Variants in NCOR2 observed in about 807,000 individuals in gnomAD.
The protein encoded by NCOR2 is CTG repeat protein 26.
In NCOR2, 81 loss-of-function variants were observed where a neutral mutation model predicts 262.9. That is an observed-to-expected ratio of 0.31 (90% confidence interval 0.26 to 0.37). NCOR2 has a LOEUF of 0.37. Ranked by LOEUF, NCOR2 falls within the 10% of genes least tolerant of loss-of-function variation. The pLI is 1.00. For missense variants in NCOR2, 3,385 were observed against 3,621.4 expected, an observed-to-expected ratio of 0.93 and a Z score of 1.68; for synonymous variants, 1,659 against 1,559.3, an observed-to-expected ratio of 1.06 and a Z score of -1.51.
intron 18 of NCOR2, among the ~76,000 whole-genome samples, chr12:124,377,755 C>T (rs989550993): frequency 1.3e-5 from 2 of 150,942 alleles, no homozygotes; most frequent in East Asian, 2.0e-4. Flanking sequence ...AGGAGAATTG[C>T]TTGAACCCGA....
chr12:124,388,945 G>C lies in NCOR2; in HGVS notation c.1877-3058C>G. 2 of 720,866 alleles carry C rather than the reference G, an allele frequency of 2.8e-6. 1 individual carries two copies. Among genetic ancestry groups the C allele is most frequent in the South Asian group, 3.8e-5 (2 of 52,828 alleles). The allele number at this position is 720,866 out of a possible 1,614,324, so 44.7% of individuals were successfully genotyped here. A position where few individuals can be genotyped will look rare whatever the true frequency, so the allele number is the denominator to read the frequency against. ...GCGGAGGCTGGCTCGAGAGGGGCGGGCGGGAGGCAGCTCCTCACAAGTCCG... is the reference window on the plus strand; with the variant it reads ...GCGGAGGCTGGCTCGAGAGGGGCGGCCGGGAGGCAGCTCCTCACAAGTCCG... On this transcript the variant is annotated intron_variant, in intron 16 of 46. Coordinates refer to ENST00000405201, the Ensembl canonical transcript of NCOR2.
intron 36 of NCOR2, 30 bp from the exon 39 acceptor site, chr12:124,340,234 G>T (rs751583027): frequency 6.2e-7 from 1 of 1,605,748 alleles, no homozygotes; most frequent in South Asian, 1.1e-5. Flanking sequence ...TCAGCAGGGG[G>T]AGGCCTCTTG....
chr12:124,564,549 C>G (rs1029664156), intron 1 of NCOR2, among the ~76,000 whole-genome samples: 1 of 141,478 alleles, frequency 7.1e-6, no homozygotes, highest in Non-Finnish European at 1.5e-5. Flanking sequence ...CCCCGGCCCA[C>G]GGTCAGAGGC....
At chr12:124,560,279 G>A (rs1001451762) in intron 1 of NCOR2, among the ~76,000 whole-genome samples, 3 of 152,258 alleles carry the variant, frequency 2.0e-5, no homozygotes, top group African/African-American at 7.2e-5. Context: ...ACTCAACTTT[G>A]CAAACGCTGT....
intron 13 of NCOR2, among the ~76,000 whole-genome samples, chr12:124,411,973 C>T (rs868659321): frequency 2.6e-5 from 4 of 152,226 alleles, no homozygotes; most frequent in Non-Finnish European, 2.9e-5. Context: ...CCTGCATCCC[C>T]GTGTCAGAAC....
intron 44 of NCOR2, 47 bp downstream of exon 46, chr12:124,330,798 A>T: frequency 6.5e-7 from 1 of 1,544,662 alleles, no homozygotes. Flanking sequence ...GTGGGGAGGG[A>T]GCGGAGGGGA....
At chr12:124,367,695 C>T (rs534269769) in intron 20 of NCOR2, among the ~76,000 whole-genome samples, 1 of 152,262 alleles carries the variant, frequency 6.6e-6, no homozygotes, top group African/African-American at 2.4e-5. Flanking sequence ...TGCAGTGGCA[C>T]AATCTTGGCT....
At position 124,566,185 on chromosome 12, in the gene NCOR2, A is replaced by G. The variant is rs1274553335; in HGVS notation, c.-165+1123T>C. On this transcript the variant is annotated intron_variant, in intron 1 of 32. Transcript: ENST00000458234. This position sits in a 1 kb window ranked among gnomAD's most constrained non-coding sequence, Gnocchi z 4.3. ...CTGCAAAAAGGGAAAAATAATAATA[A>G]TCACAATAAAACCAGTTCTCACCAA... is the stretch of plus-strand genomic sequence containing the variant. Among the ~76,000 whole-genome samples, 1 of 151,962 alleles carries G rather than the reference A, an allele frequency of 6.6e-6. No individual in the cohort carries two copies. The highest frequency in any genetic ancestry group is 1.5e-5 in the Non-Finnish European group (1 of 67,988).
At chr12:124,334,805 A>G (rs575921137) in intron 40 of NCOR2, 188 bp from the exon 43 acceptor site, 3 of 594,582 alleles carry the variant, frequency 5.0e-6, no homozygotes, top group Non-Finnish European at 8.9e-6. Context: ...GGCTGTGGTC[A>G]GCGGTCCCAA....
At chr12:124,426,674 G>A (rs749558953) in exon 11 of NCOR2, 7 of 1,608,932 alleles carry the variant, frequency 4.4e-6, no homozygotes, top group African/African-American at 1.3e-5. Flanking sequence ...ATGACCTGGC[G>A]GTCTTTGTAC....
At chr12:124,358,961 T>C (rs2135943526) in intron 22 of NCOR2, among the ~76,000 whole-genome samples, 1 of 152,376 alleles carries the variant, frequency 6.6e-6, no homozygotes, top group East Asian at 1.9e-4. Context: ...AAGTGGCAGA[T>C]AGCGGCTTCG....
intron 11 of NCOR2, among the ~76,000 whole-genome samples, chr12:124,425,896 T>A (rs760937104): frequency 1.1e-4 from 16 of 152,110 alleles, no homozygotes; most frequent in Non-Finnish European, 2.1e-4. Context: ...CTGGCTGAGC[T>A]GTCATAAGGG....
At chr12:124,485,490 G>A (rs1046145893) in intron 2 of NCOR2, among the ~76,000 whole-genome samples, 1 of 152,276 alleles carries the variant, frequency 6.6e-6, no homozygotes, top group South Asian at 2.1e-4. Context: ...GAGGGGGCGC[G>A]GCCCTGCGGA....
chr12:124,499,667 T>C (rs1022057510), upstream of NCOR2, among the ~76,000 whole-genome samples: 7 of 152,084 alleles, frequency 4.6e-5, no homozygotes, highest in Non-Finnish European at 2.9e-5. Flanking sequence ...GTGCCGTTTA[T>C]GTTTGAGAAA....
In NCOR2 at chr12:124,374,459, T is replaced by C. The variant is rs369809475; in HGVS notation, c.2172A>G (p.Leu724=). Residue 724 remains leucine, a synonymous_variant, in exon 19 of 47, where the codon TTA becomes TTG. Transcript: ENST00000405201. ...TGGGCACCTCATTCCCAGAGGCATG[T>C]AAGGCTGGAAGGAAGTCAGAGAAGA... 1.2e-3 allele frequency: 1,948 copies of C among 1,612,316 alleles called. 2 individuals carry two copies. The highest frequency in any genetic ancestry group is 1.6e-3 in the Non-Finnish European group (1,837 of 1,179,558).
chr12:124,345,949 C>G lies in NCOR2; in HGVS notation c.4359+615G>C, dbSNP rs146556083. On this transcript the variant is annotated intron_variant, in intron 31 of 46. Coordinates refer to ENST00000405201, the Ensembl canonical transcript of NCOR2. ...GGCTTTCCACCGAACAGCTCCTCGT[C>G]CTCGTACCATCGGCACGGAACTTCC... Among the ~76,000 whole-genome samples, 332 of 152,282 alleles carry G rather than the reference C, an allele frequency of 2.2e-3. 2 individuals are homozygous for G. The highest frequency in any genetic ancestry group is 7.7e-3 in the African/African-American group (322 of 41,554).
chr12:124,450,483 A>G (rs3782274), intron 6 of NCOR2, among the ~76,000 whole-genome samples: 17,026 of 152,178 alleles, frequency 0.11, 1,042 homozygotes, highest in East Asian at 0.19. Context: ...ACTGTGCTCC[A>G]CCAGGAGACG....
rs78818998 is a variant in NCOR2 at position 124,361,991 on chromosome 12, T to C, written c.3100+135A>G. 5,448 of 794,848 alleles carry C rather than the reference T, an allele frequency of 6.9e-3. 310 individuals are homozygous for C. In the East Asian group the frequency reaches 0.14, roughly 20 times the overall value. 49.2% of individuals were successfully genotyped at this position (794,848 alleles called of 1,614,324 possible). ...TCCCAACTGCCTCCCCCTGCTCAACTGTTCCATTCGTTTACTTTGCTTTCC... is the reference window on the plus strand; with the variant it reads ...TCCCAACTGCCTCCCCCTGCTCAACCGTTCCATTCGTTTACTTTGCTTTCC... On this transcript the variant is annotated intron_variant, in intron 22 of 46. Transcript: ENST00000405201.
chr12:124,567,104 G>C (rs1374287879), intron 1 of NCOR2, among the ~76,000 whole-genome samples: 5 of 150,212 alleles, frequency 3.3e-5, no homozygotes, highest in Admixed American at 3.3e-4. Context: ...GTTCCCCTAA[G>C]TTCCCCGGCG....
Sources: allele counts gnomAD v4.1 joint callset (sites outside exome capture counted in the v4.1 genomes callset), GRCh38; gene constraint gnomAD v4.1.1; non-coding constraint Gnocchi (gnomAD v3.1); transcripts MANE v1.5; gene names NCBI Gene and HGNC (gene_info 2026-07-23, HGNC 2026-07-21).